The following GPHN variants were observed in gnomAD, a reference collection of about 807,000 sequenced individuals.
The protein encoded by GPHN is gephyrin.
A neutral mutation model predicts 95.5 loss-of-function variants in GPHN; 17 were observed. That is an observed-to-expected ratio of 0.18 (90% confidence interval 0.12 to 0.27). The LOEUF is 0.27. Ranked by LOEUF, GPHN falls within the 10% of genes least tolerant of loss-of-function variation. The pLI is 1.00. For missense variants in GPHN, 660 were observed against 978.1 expected (o/e 0.67, Z 4.34); for synonymous variants, 320 against 322.5 (o/e 0.99, Z 0.08).
chr14:66,636,063 G>A (rs1001122133), intron 1 of GPHN, among the ~76,000 whole-genome samples: 1 of 152,068 alleles, frequency 6.6e-6, no homozygotes, highest in Admixed American at 6.6e-5. Context: ...ATTTTTAAAT[G>A]TAATTTCTCA....
chr14:67,578,597 G>T, the GPHN span: 12 of 1,611,646 alleles, frequency 7.4e-6, no homozygotes, highest in Non-Finnish European at 9.3e-6. This position sits in a 1 kb window ranked among gnomAD's most constrained non-coding sequence, Gnocchi z 5.0. Flanking sequence ...CCTCTGGTAT[G>T]TCAAGCAGCA....
chr14:66,553,707 G>A (rs2059905783), intron 1 of GPHN, among the ~76,000 whole-genome samples: 1 of 152,118 alleles, frequency 6.6e-6, no homozygotes, highest in African/African-American at 2.4e-5. Context: ...CTCCTGAGTA[G>A]CTGGGACTAC....
chr14:67,173,258 G>A (rs370760059), intron 21 of GPHN, among the ~76,000 whole-genome samples: 2 of 152,158 alleles, frequency 1.3e-5, no homozygotes, highest in South Asian at 2.1e-4. Context: ...TGCTGCAGTA[G>A]GCCTTCTTGA....
At chr14:67,019,195 C>T (rs1162781407) in intron 9 of GPHN, among the ~76,000 whole-genome samples, 2 of 152,016 alleles carry the variant, frequency 1.3e-5, no homozygotes, top group Non-Finnish European at 2.9e-5. Flanking sequence ...TTCTAAATAG[C>T]TTTTTTGTTG....
chr14:66,980,198 G>C (rs913836770), intron 9 of GPHN, among the ~76,000 whole-genome samples: 3 of 152,178 alleles, frequency 2.0e-5, no homozygotes, highest in Non-Finnish European at 4.4e-5. Context: ...GGTGACGATA[G>C]ATTCGCTTAA....
At chr14:66,934,145 A>C (rs1266876039) in intron 8 of GPHN, among the ~76,000 whole-genome samples, 1 of 151,928 alleles carries the variant, frequency 6.6e-6, no homozygotes, top group Non-Finnish European at 1.5e-5. Context: ...TCTCAAAAAA[A>C]AAAAAAAAAA....
At chr14:66,974,235 C>G (rs1050036693) in intron 9 of GPHN, among the ~76,000 whole-genome samples, 5 of 152,120 alleles carry the variant, frequency 3.3e-5, no homozygotes, top group Non-Finnish European at 5.9e-5. Context: ...TTTGATGAAA[C>G]TAAAATTACA....
chr14:66,783,585 C>A (rs2153465045), intron 3 of GPHN, among the ~76,000 whole-genome samples: 1 of 152,286 alleles, frequency 6.6e-6, no homozygotes, highest in Non-Finnish European at 1.5e-5. Flanking sequence ...GAGAGGTGAA[C>A]CTCTACCCCC....
At chr14:67,147,205 A>T (rs185332002) in intron 18 of GPHN, among the ~76,000 whole-genome samples, 1 of 152,254 alleles carries the variant, frequency 6.6e-6, no homozygotes. Flanking sequence ...TAGCTAAGCT[A>T]TATCACCTCA....
chr14:66,868,391 A>G (rs2063305873), intron 4 of GPHN, among the ~76,000 whole-genome samples: 1 of 152,016 alleles, frequency 6.6e-6, no homozygotes, highest in South Asian at 2.1e-4. Flanking sequence ...TATCTATTAT[A>G]TGTTCTTTAC....
chr14:66,978,317 G>T (rs750277121), intron 9 of GPHN, among the ~76,000 whole-genome samples: 1 of 152,170 alleles, frequency 6.6e-6, no homozygotes, highest in Non-Finnish European at 1.5e-5. Flanking sequence ...TTTTGCTGTA[G>T]AATGCAATGT....
the GPHN span, among the ~76,000 whole-genome samples, chr14:67,444,985 TC>T: frequency 6.6e-6 from 1 of 152,164 alleles, no homozygotes; most frequent in South Asian, 2.1e-4. Context: ...TCTCTCGAAC[TC>T]CTGACCTCAA....
intron 1 of GPHN, among the ~76,000 whole-genome samples, chr14:66,545,475 T>C (rs1353139715): frequency 1.4e-4 from 14 of 98,278 alleles, no homozygotes; most frequent in East Asian, 3.4e-4. Flanking sequence ...GAGGCGCCCC[T>C]CACCTCCCGG....
chr14:67,674,193 G>C, the GPHN span, among the ~76,000 whole-genome samples: 1 of 152,258 alleles, frequency 6.6e-6, no homozygotes, highest in Non-Finnish European at 1.5e-5. Context: ...TGAATCCCGA[G>C]GTCCAATTTA....
chr14:67,507,877 G>A, the GPHN span, among the ~76,000 whole-genome samples: 4 of 152,156 alleles, frequency 2.6e-5, no homozygotes, highest in African/African-American at 7.2e-5. Flanking sequence ...GTTGGCTCAC[G>A]CCTGTAGTCC....
chr14:67,027,394 G>A (rs912829525), intron 10 of GPHN, among the ~76,000 whole-genome samples: 1 of 151,942 alleles, frequency 6.6e-6, no homozygotes, highest in Non-Finnish European at 1.5e-5. Context: ...GCAGTGGCAC[G>A]ATCTCTGCTC....
intron 2 of GPHN, among the ~76,000 whole-genome samples, chr14:66,737,203 C>T (rs1722096634): frequency 6.6e-6 from 1 of 152,086 alleles, no homozygotes; most frequent in Non-Finnish European, 1.5e-5. Context: ...TATCCCCTTT[C>T]CCTTCCCCTT....
At chr14:67,395,994 G>A in the GPHN span, among the ~76,000 whole-genome samples, 3 of 152,262 alleles carry the variant, frequency 2.0e-5, no homozygotes, top group South Asian at 2.1e-4. Flanking sequence ...ATTAGGAAAT[G>A]ACAGGATATT....
At chr14:67,353,346 T>C in the GPHN span, among the ~76,000 whole-genome samples, 1 of 152,150 alleles carries the variant, frequency 6.6e-6, no homozygotes, top group East Asian at 1.9e-4. Flanking sequence ...GGGTTCCTTA[T>C]TGCAGGAGTG....
Sources: allele counts gnomAD v4.1 joint callset (sites outside exome capture counted in the v4.1 genomes callset), GRCh38; gene constraint gnomAD v4.1.1; non-coding constraint Gnocchi (gnomAD v3.1); transcripts MANE v1.5; gene names NCBI Gene and HGNC (gene_info 2026-07-23, HGNC 2026-07-21).